Variants in KRTAP4-16 observed in about 807,000 individuals in gnomAD.
KRTAP4-16 encodes the protein keratin-associated protein 4-16.
For missense variants in KRTAP4-16, 378 were observed against 233.5 expected (o/e 1.62, Z -4.03); for synonymous variants, 140 against 88.8 (o/e 1.58, Z -3.24).
exon 1 of KRTAP4-16, chr17:41,101,823 G>A (rs181783250): frequency 2.1e-5 from 34 of 1,587,888 alleles, no homozygotes; most frequent in African/African-American, 1.9e-4. Flanking sequence ...CTGGACGCAG[G>A]CAGCAGCAGG....
At chr17:41,101,910 C>G in exon 1 of KRTAP4-16, 1 of 1,610,896 alleles carries the variant, frequency 6.2e-7, no homozygotes, top group Middle Eastern at 1.8e-4. Flanking sequence ...AGCAGGTGGG[C>G]TGGAAGCACA....
exon 1 of KRTAP4-16, chr17:41,101,716 G>A: frequency 1.8e-6 from 2 of 1,091,912 alleles, no homozygotes; most frequent in East Asian, 2.9e-5. Context: ...GAAGGGGAGG[G>A]GAAGGGGAGG....
In KRTAP4-16 at chr17:41,102,092, A is replaced by T. The variant is rs148931560; in HGVS notation, c.118T>A (p.Ser40Thr). 3.1e-6 allele frequency: 5 copies of T among 1,588,480 alleles called. No individual in the cohort carries two copies. The Admixed American group carries it at 5.0e-5, about 16-fold the overall frequency. The change falls in exon 1 of 1, where the codon TCC (serine) becomes ACC (threonine). Residue 40 changes from serine to threonine, a missense_variant. Transcript: ENST00000440582. Reference sequence around the variant, plus strand: ...CAGCTGGACACAGAGCAGCTGTGGGAGCAGGAGGTGGTTCTGCAGCAGGTG... The same window carrying T: ...CAGCTGGACACAGAGCAGCTGTGGGTGCAGGAGGTGGTTCTGCAGCAGGTG...
At chr17:41,101,947 C>T (rs2013993394) in exon 1 of KRTAP4-16, 1 of 1,604,204 alleles carries the variant, frequency 6.2e-7, no homozygotes, top group Non-Finnish European at 8.5e-7. Flanking sequence ...GGGTCTGCAG[C>T]AGCTGGACAC....
chr17:41,101,893 G>C (rs772503936), exon 1 of KRTAP4-16: 3 of 1,610,892 alleles, frequency 1.9e-6, no homozygotes, highest in South Asian at 1.1e-5. Context: ...GCAGCAGCTG[G>C]GGTGGCAGCA....
chr17:41,102,186 G>T, the KRTAP4-16 span: 1 of 1,299,258 alleles, frequency 7.7e-7, no homozygotes, highest in Admixed American at 1.7e-5. Flanking sequence ...CACTGGGGCT[G>T]CATGGCATCT....
At chr17:41,102,102 G>A in exon 1 of KRTAP4-16, 2 of 1,580,580 alleles carry the variant, frequency 1.3e-6, no homozygotes, top group South Asian at 1.1e-5. Flanking sequence ...AGCAGGAGGT[G>A]GTTCTGCAGC....
exon 1 of KRTAP4-16, chr17:41,102,151 G>A (rs556922660): frequency 5.0e-5 from 75 of 1,501,310 alleles, no homozygotes; most frequent in Non-Finnish European, 6.8e-5. Context: ...GCAGTTGGGT[G>A]GGCTGGCAGC....
chr17:41,101,805 A>G (rs1401699547), exon 1 of KRTAP4-16: 4 of 1,573,130 alleles, frequency 2.5e-6, no homozygotes, highest in South Asian at 1.1e-5. Context: ...AGGAGACTCG[A>G]CCACAGACTG....
chr17:41,101,556 A>ATTAACACT, the KRTAP4-16 span: 1 of 245,984 alleles, frequency 4.1e-6, no homozygotes, highest in Non-Finnish European at 7.1e-6. Flanking sequence ...AGGGGAGGGG[A>ATTAACACT]GGGGAGGGGA....
chr17:41,101,940 T>C (rs753997599), exon 1 of KRTAP4-16: 1 of 1,601,428 alleles, frequency 6.2e-7, no homozygotes, highest in East Asian at 2.2e-5. Context: ...AGCACTGGGG[T>C]CTGCAGCAGC....
exon 1 of KRTAP4-16, chr17:41,101,829 G>A: frequency 6.3e-7 from 1 of 1,591,976 alleles, no homozygotes; most frequent in East Asian, 2.3e-5. Flanking sequence ...GCAGGCAGCA[G>A]CAGGGGCAGC....
exon 1 of KRTAP4-16, chr17:41,101,797 G>A: frequency 3.2e-6 from 5 of 1,564,578 alleles, no homozygotes; most frequent in South Asian, 1.2e-5. Flanking sequence ...GACGTGGCAG[G>A]AGACTCGACC....
chr17:41,101,636 G>T, exon 1 of KRTAP4-16: 1 of 513,902 alleles, frequency 1.9e-6, no homozygotes, highest in Non-Finnish European at 3.5e-6. Context: ...GAGAGGAGGG[G>T]AGGGGAAGGG....
At chr17:41,101,905 G>T in exon 1 of KRTAP4-16, 1 of 1,611,032 alleles carries the variant, frequency 6.2e-7, no homozygotes, top group Middle Eastern at 1.8e-4. Context: ...GTGGCAGCAG[G>T]TGGGCTGGAA....
At chr17:41,101,560 G>T in exon 1 of KRTAP4-16, 1 of 392,574 alleles carries the variant, frequency 2.5e-6, no homozygotes, top group Non-Finnish European at 4.4e-6. Flanking sequence ...GAGGGGAGGG[G>T]AGGGGAGGGG....
In KRTAP4-16 at chr17:41,101,681, A is replaced by T. The variant is rs1378246633; in HGVS notation, c.529T>A (p.Phe177Ile). The T allele has an allele frequency of 5.2e-6, 3 of 579,336 alleles. No homozygotes were observed. The Admixed American group carries it at 8.6e-5, about 17-fold the overall frequency. The allele number at this position is 579,336 out of a possible 1,614,324, so 35.9% of individuals were successfully genotyped here. A position where few individuals can be genotyped will look rare whatever the true frequency, so the allele number is the denominator to read the frequency against. The change falls in exon 1 of 1, where the codon TTC becomes ATC. Residue 177 changes from phenylalanine to isoleucine, a missense_variant. Phe to Ile is a conservative substitution (Grantham distance 21, BLOSUM62 0). Transcript: ENST00000440582. ...GAGGGGAGGGCAAGGGAAAGGAAGA[A>T]AGGGAGGGGAACGGGTGGGGAAGGG... is the stretch of plus-strand genomic sequence containing the variant.
At chr17:41,102,069 G>A (rs764224586) in exon 1 of KRTAP4-16, 1 of 1,595,898 alleles carries the variant, frequency 6.3e-7, no homozygotes, top group Non-Finnish European at 8.6e-7. Flanking sequence ...GTCTGCAGCA[G>A]CTGGACACAG....
chr17:41,101,551 AGGGG>A, the KRTAP4-16 span: 4 of 258,064 alleles, frequency 1.6e-5, no homozygotes, highest in Non-Finnish European at 2.0e-5. Flanking sequence ...AGGGGAGGGG[AGGGG>A]AGGGGAGGGG....
Sources: allele counts gnomAD v4.1 joint callset, GRCh38; gene constraint gnomAD v4.1.1; transcripts MANE v1.5; gene names NCBI Gene and HGNC (gene_info 2026-07-23, HGNC 2026-07-21).